Variants in ABCA2 observed in about 807,000 individuals in gnomAD.
ABCA2 encodes the protein ATP-binding cassette sub-family A member 2.
Under a neutral mutation model 262.8 loss-of-function variants are expected in ABCA2, and 84 were observed. The observed-to-expected ratio is 0.32, with a 90% confidence interval of 0.27 to 0.38. The LOEUF (loss-of-function observed/expected upper bound fraction) is 0.38, where lower values mean the gene tolerates loss of function less well. Among genes scored for constraint, ABCA2 ranks in the 10% least tolerant of loss-of-function variants. The pLI, the probability that ABCA2 is intolerant of heterozygous loss-of-function variation, is 1.00. For synonymous variants in ABCA2, 1,696 were observed against 1,502.9 expected, an observed-to-expected ratio of 1.13 and a Z score of -2.97; for missense variants, 2,662 against 3,405.9, an observed-to-expected ratio of 0.78 and a Z score of 5.44.
Position 137,010,955 on chromosome 9 carries a change from A to G in ABCA2, c.6056+18T>C. The G allele has an allele frequency of 1.3e-5, 4 of 317,050 alleles. No homozygotes were observed. Among genetic ancestry groups the G allele is most frequent in the Non-Finnish European group, 1.9e-5 (4 of 207,346 alleles). The allele number at this position is 317,050 out of a possible 1,614,324, so 19.6% of individuals were successfully genotyped here. ...CCTGCTCCCGCCCCGCCCCCGCCCCACCCCGCCCCCCACTCACTGTGGCCG... is the reference window on the plus strand; with the variant it reads ...CCTGCTCCCGCCCCGCCCCCGCCCCGCCCCGCCCCCCACTCACTGTGGCCG... On this transcript the variant is annotated intron_variant, in intron 39 of 48. Coordinates refer to ENST00000341511, the MANE Select transcript of ABCA2 (RefSeq NM_001606.5).
chr9:137,008,436 T>G lies in ABCA2; in HGVS notation c.7255A>C (p.Ile2419Leu), dbSNP rs1423469501. The G allele has an allele frequency of 6.4e-7, 1 of 1,552,608 alleles. No homozygotes were observed. Among genetic ancestry groups the G allele is most frequent in the African/African-American group, 1.4e-5 (1 of 73,216 alleles). ...EDLDTEDEGLISFEEERAQLS... is the reference protein window; with the variant it reads ...EDLDTEDEGLLSFEEERAQLS... The stretch of plus-strand genomic sequence containing the variant: ...CTCACCCGCTCCTCCTCGAAGCTGA[T>G]GAGGCCCTCGTCCTCCGTGTCCAGG... The change falls in exon 48 of 49, where the codon ATC becomes CTC. Residue 2419 changes from isoleucine (I) to leucine (L), a missense_variant. Ile to Leu is a conservative substitution (Grantham distance 5). This residue lies in a region of ABCA2 where 212 missense variants were observed against 214.4 expected (regional missense o/e 0.99). Coordinates refer to ENST00000341511, the MANE Select transcript of ABCA2 (RefSeq NM_001606.5).
chr9:137,015,670 C>T lies in ABCA2; in HGVS notation c.3514+5G>A. 6.2e-7 allele frequency: 1 copy of T among 1,609,202 alleles called. No individual in the cohort carries two copies. The highest frequency in any genetic ancestry group is 8.5e-7 in the Non-Finnish European group (1 of 1,178,404). ...GCACCCCTGCCCACACGGCACCCCA[C>T]TCACCTGGCTTGTACTTCAGGATGA... On this transcript the variant is annotated splice_donor_5th_base_variant and intron_variant, in intron 23 of 48. Coordinates refer to ENST00000341511, the MANE Select transcript of ABCA2 (RefSeq NM_001606.5).
chr9:137,019,182 T>A lies in ABCA2; in HGVS notation c.1550A>T (p.Gln517Leu), dbSNP rs761144972. The change falls in exon 11 of 49, where the codon CAG becomes CTG. Residue 517 changes from glutamine (Q) to leucine (L), a missense_variant. Gln to Leu is a moderately radical substitution (Grantham distance 113). Transcript: ENST00000341511. The surrounding 1 kb of genome is among the most constrained non-coding windows in gnomAD (Gnocchi z 4.4). ...CCTCGCGGGCACCCTTGGCACCTGC[T>A]GCAGCCAGCGCAGGTGTTGCTGCAG... Reference protein sequence around the residue: ...GRLQQHLRWLQQYVAELRLHP... With the variant: ...GRLQQHLRWLLQYVAELRLHP... 1.2e-6 allele frequency: 2 copies of A among 1,612,056 alleles called. No individual in the cohort carries two copies. The highest frequency in any genetic ancestry group is 1.1e-5 in the South Asian group (1 of 91,040).
At chr9:137,013,736 C>T in intron 28 of ABCA2, 96 bp downstream of exon 28, 1 of 1,441,244 alleles carries the variant, frequency 6.9e-7, no homozygotes, top group Non-Finnish European at 9.4e-7. Flanking sequence ...TGGGGTGAGG[C>T]CCAGAGTCAG....
intron 28 of ABCA2, 105 bp downstream of exon 28, chr9:137,013,727 G>T: frequency 1.4e-6 from 2 of 1,392,898 alleles, no homozygotes; most frequent in Non-Finnish European, 2.0e-6. Flanking sequence ...CCTCAGGTGT[G>T]GGGTGAGGCC....
In ABCA2 at chr9:137,023,174, G is replaced by A. The variant is rs1588528742; in HGVS notation, c.164-122C>T. 15 of 798,230 alleles carry A rather than the reference G, an allele frequency of 1.9e-5. No individual in the cohort carries two copies. In the East Asian group the frequency reaches 4.0e-4, roughly 21 times the overall value. The allele number at this position is 798,230 out of a possible 1,614,324, so 49.4% of individuals were successfully genotyped here. ...ATTTAGAGAAAGTCAGGAAGGAGAA[G>A]CAGCGTTAGGGAGAAGGCGGCACAG... On this transcript the variant is annotated intron_variant, in intron 3 of 48. Coordinates refer to ENST00000341511, the MANE Select transcript of ABCA2 (RefSeq NM_001606.5).
At chr9:137,015,317 G>T (rs1831218616) in intron 24 of ABCA2, 97 bp downstream of exon 24, 1 of 1,398,968 alleles carries the variant, frequency 7.1e-7, no homozygotes. Flanking sequence ...GGCCCAGCGG[G>T]TGACGGTGAG....
chr9:137,028,418 C>G, upstream of ABCA2: 1 of 390,712 alleles, frequency 2.6e-6, no homozygotes, highest in Non-Finnish European at 3.5e-6. This position sits in a 1 kb window ranked among gnomAD's most constrained non-coding sequence, Gnocchi z 6.9. Context: ...GGCCCGAGAC[C>G]CTGCGCGCGC....
Position 137,014,371 on chromosome 9 carries a change from C to T in ABCA2, c.4037G>A (p.Gly1346Glu), listed in dbSNP as rs1231141506. Residue 1346 changes from glycine to glutamate, a missense_variant, in exon 27 of 49, where the codon GGG (glycine) becomes GAG (glutamate). Gly to Glu is a moderately conservative substitution (Grantham distance 98). Coordinates refer to ENST00000341511, the MANE Select transcript of ABCA2 (RefSeq NM_001606.5). ...VKESRKDVLP[G>E]AEGPASGEGH... The stretch of plus-strand genomic sequence containing the variant: ...CTCCCCAGACGCCGGGCCCTCCGCC[C>T]CAGGGAGCACATCCTTCCTGGACTC... The T allele has an allele frequency of 6.3e-7, 1 of 1,596,196 alleles. No individual in the cohort carries two copies. Among genetic ancestry groups the T allele is most frequent in the African/African-American group, 1.3e-5 (1 of 74,620 alleles).
rs768198953 is a variant in ABCA2 at position 137,021,567 on chromosome 9, G to A, written c.722C>T (p.Thr241Met). 12 of 1,575,396 alleles carry A rather than the reference G, an allele frequency of 7.6e-6. No individual in the cohort carries two copies. The South Asian group carries it at 8.1e-5, about 11-fold the overall frequency. The change falls in exon 8 of 49, where the codon ACG (threonine) becomes ATG (methionine). Residue 241 changes from threonine to methionine, a missense_variant. Physicochemically the swap from Thr to Met is moderately conservative, Grantham distance 81 (BLOSUM62 -1). Coordinates refer to ENST00000341511, the MANE Select transcript of ABCA2 (RefSeq NM_001606.5). The surrounding 1 kb of genome is among the most constrained non-coding windows in gnomAD (Gnocchi z 6.0). ...APALLEQLTC[T>M]PGSGELGRIL... Reference sequence around the variant, plus strand: ...CCGGCCCAGCTCCCCCGAGCCCGGCGTGCAGGTGAGCTGCTCCAGGAGGGC... The same window carrying A: ...CCGGCCCAGCTCCCCCGAGCCCGGCATGCAGGTGAGCTGCTCCAGGAGGGC...
At position 137,019,529 on chromosome 9, in the gene ABCA2, C is replaced by A; in HGVS notation, c.1426-223G>T. On this transcript the variant is annotated intron_variant, in intron 10 of 48. Transcript: ENST00000341511. This position sits in a 1 kb window ranked among gnomAD's most constrained non-coding sequence, Gnocchi z 4.4. ...CCTCCACCTCCCAGGCTCAAGGGAT[C>A]CTCCCGCCTCAGCCCTCCAAGTAGC... 2 of 516,796 alleles carry A rather than the reference C, an allele frequency of 3.9e-6. No homozygotes were observed. Among genetic ancestry groups the A allele is most frequent in the East Asian group, 3.6e-5 (1 of 27,688 alleles). The allele number at this position is 516,796 out of a possible 1,614,324, so 32.0% of individuals were successfully genotyped here. A position where few individuals can be genotyped will look rare whatever the true frequency, so the allele number is the denominator to read the frequency against.
chr9:137,015,645 G>T, intron 23 of ABCA2, 30 bp downstream of exon 23: 1 of 1,609,692 alleles, frequency 6.2e-7, no homozygotes, highest in East Asian at 2.2e-5. Flanking sequence ...GGCGCCGCCC[G>T]CACCCCTGCC....
intron 3 of ABCA2, chr9:137,023,308 ATTCCT>A: frequency 1.5e-6 from 1 of 664,578 alleles, no homozygotes. Context: ...CTCCCAGAGC[ATTCCT>A]TTCCTTTCAG....
At chr9:137,016,764 G>A (rs2131450270) in intron 19 of ABCA2, 26 bp from the exon 20 acceptor site, 1 of 1,538,698 alleles carries the variant, frequency 6.5e-7, no homozygotes, top group African/African-American at 1.4e-5. Context: ...GGGAGGGGAG[G>A]CTGACCTAGG....
In ABCA2 at chr9:137,020,956, G is replaced by A; in HGVS notation, c.1003C>T (p.Gln335Ter). 1 of 1,562,016 alleles carries A rather than the reference G, an allele frequency of 6.4e-7. No homozygotes were observed. ...AGGGCCGACAGGACATCCACATCCT[G>A]CAGAACCTTCTGGGCATCCAGCAGG... ...GDLLDAQKVL[Q>*]DVDVLSALAL... The change falls in exon 9 of 49, where the codon CAG becomes TAG. Residue 335 changes from glutamine to a stop codon, truncating the protein, a stop_gained. Coordinates refer to ENST00000341511, the MANE Select transcript of ABCA2 (RefSeq NM_001606.5). LOFTEE classifies it high-confidence loss of function.
chr9:137,010,433 C>T, intron 40 of ABCA2, 62 bp from the exon 41 acceptor site: 1 of 1,521,746 alleles, frequency 6.6e-7, no homozygotes, highest in Middle Eastern at 2.3e-4. Context: ...TCTGGCCCCA[C>T]CCCACCCAGA....
chr9:137,016,867 A>G, intron 19 of ABCA2, 53 bp downstream of exon 19: 2 of 1,591,660 alleles, frequency 1.3e-6, no homozygotes, highest in Non-Finnish European at 1.7e-6. Context: ...CTGGTCCCCA[A>G]CCCTGGCTGG....
At position 137,011,337 on chromosome 9, in the gene ABCA2, A is replaced by G. The variant is rs537086416; in HGVS notation, c.5800-28T>C. The G allele has an allele frequency of 3.8e-6, 6 of 1,591,194 alleles. No individual in the cohort carries two copies. The African/African-American group carries it at 6.7e-5, about 18-fold the overall frequency. On this transcript the variant is annotated intron_variant, in intron 37 of 48. Coordinates refer to ENST00000341511, the MANE Select transcript of ABCA2 (RefSeq NM_001606.5). This position sits in a 1 kb window ranked among gnomAD's most constrained non-coding sequence, Gnocchi z 8.8. The stretch of plus-strand genomic sequence containing the variant: ...GCGGGGTGGCCGGGGTCAGGGGCAC[A>G]GGGGTGGCCGGGGTGAGGGGCACAG...
At position 137,014,903 on chromosome 9, in the gene ABCA2, G is replaced by A. The variant is rs758297490; in HGVS notation, c.3882+10C>T. 41 of 1,577,022 alleles carry A rather than the reference G, an allele frequency of 2.6e-5. No individual in the cohort carries two copies. The highest frequency in any genetic ancestry group is 1.1e-4 in the East Asian group (5 of 44,304). On this transcript the variant is annotated intron_variant, in intron 25 of 48. Coordinates refer to ENST00000341511, the MANE Select transcript of ABCA2 (RefSeq NM_001606.5). ...CCTGCAACTGCCCCCCGACCCGTGC[G>A]CCCTCACACCTGGAAGAGGCGCTCG...
Sources: gnomAD v4.1 joint callset for allele counts on GRCh38, gnomAD v4.1.1 for gene constraint, gnomAD v4.1.1 regional missense constraint, Gnocchi (gnomAD v3.1) non-coding constraint, MANE v1.5 for transcripts, NCBI Gene and HGNC (gene_info 2026-07-23, HGNC 2026-07-21) for gene names.